The following ZNF512 variants were observed in gnomAD, a reference collection of about 807,000 sequenced individuals.
ZNF512 encodes zinc finger protein 512.
In ZNF512, 25 loss-of-function variants were observed where a neutral mutation model predicts 77.5. The ratio of observed to expected loss-of-function variants is 0.32; its 90% CI spans 0.23 to 0.45. ZNF512 has a LOEUF of 0.45. Ranked by LOEUF, ZNF512 falls within the 20% of genes least tolerant of loss-of-function variation. The probability of loss-of-function intolerance (pLI) is 1.00; values close to 1 mark genes in which losing one functional copy is unlikely to be tolerated. For missense variants in ZNF512, 483 were observed against 692.6 expected, an observed-to-expected ratio of 0.70 and a Z score of 3.40; for synonymous variants, 246 against 239.9, an observed-to-expected ratio of 1.03 and a Z score of -0.24.
At chr2:27,609,109 C>CAA (rs770612268) in intron 10 of ZNF512, among the ~76,000 whole-genome samples, 13 of 91,440 alleles carry the variant, frequency 1.4e-4, no homozygotes, top group Admixed American at 1.1e-3. Flanking sequence ...ACTCTGTCTC[C>CAA]AAAAAAAAAA....
intron 10 of ZNF512, among the ~76,000 whole-genome samples, chr2:27,610,600 T>C (rs1353382116): frequency 9.1e-6 from 1 of 110,230 alleles, no homozygotes; most frequent in Admixed American, 9.5e-5. Context: ...TTTTTTTTTT[T>C]GAGACAGCGT....
chr2:27,609,418 A>G (rs1881397), intron 10 of ZNF512, among the ~76,000 whole-genome samples: 46,111 of 152,064 alleles, frequency 0.3, 8,127 homozygotes, highest in African/African-American at 0.48. Context: ...CGCATAGGAT[A>G]TCATAAGGAA....
chr2:27,613,022 C>T (rs1046773860), intron 10 of ZNF512, among the ~76,000 whole-genome samples: 4 of 152,096 alleles, frequency 2.6e-5, no homozygotes, highest in Non-Finnish European at 5.9e-5. Context: ...TATTCCATTC[C>T]CATTCCCCTT....
intron 2 of ZNF512, among the ~76,000 whole-genome samples, chr2:27,586,005 TC>T (rs1671307230): frequency 6.6e-6 from 1 of 152,154 alleles, no homozygotes; most frequent in African/African-American, 2.4e-5. Context: ...GAGGAGGGAT[TC>T]CCTAACCACC....
chr2:27,602,351 T>G, intron 7 of ZNF512, 112 bp from the exon 8 acceptor site: 1 of 1,012,354 alleles, frequency 9.9e-7, no homozygotes, highest in Non-Finnish European at 1.4e-6. Flanking sequence ...TTGGGCTTCA[T>G]TGGCACCAGC....
chr2:27,583,319 C>G (rs1671194502), intron 1 of ZNF512, 177 bp downstream of exon 1: 1 of 1,267,152 alleles, frequency 7.9e-7, no homozygotes, highest in Non-Finnish European at 1.1e-6. Flanking sequence ...TGCCTGTTCC[C>G]CACCTCCTTG....
At chr2:27,613,487 C>T (rs1672751088) in intron 10 of ZNF512, among the ~76,000 whole-genome samples, 1 of 150,236 alleles carries the variant, frequency 6.7e-6, no homozygotes, top group Non-Finnish European at 1.5e-5. Context: ...CAGAGCGAGA[C>T]TCCATCTCAA....
intron 13 of ZNF512, 36 bp downstream of exon 13, chr2:27,617,607 A>G (rs768300953): frequency 3.7e-6 from 3 of 812,256 alleles, no homozygotes; most frequent in Non-Finnish European, 6.7e-6. Flanking sequence ...CTGATATGTA[A>G]GCCACAAGAG....
chr2:27,616,671 TTG>T (rs1672894126), intron 12 of ZNF512, among the ~76,000 whole-genome samples: 1 of 152,218 alleles, frequency 6.6e-6, no homozygotes. Flanking sequence ...GCCTAAAACT[TTG>T]TAGAATCACC....
At chr2:27,617,386 CTT>C in intron 12 of ZNF512, 85 bp from the exon 13 acceptor site, 1 of 712,162 alleles carries the variant, frequency 1.4e-6, no homozygotes, top group South Asian at 1.6e-5. Context: ...AGAATTCCCT[CTT>C]TTCATCTCTA....
intron 13 of ZNF512, 136 bp from the exon 14 acceptor site, chr2:27,621,017 T>A: frequency 1.1e-6 from 1 of 925,218 alleles, no homozygotes; most frequent in Non-Finnish European, 1.6e-6. Flanking sequence ...TATAGAATCC[T>A]GAGGTATGGT....
chr2:27,611,238 A>G (rs1341689049), intron 10 of ZNF512, among the ~76,000 whole-genome samples: 6 of 152,220 alleles, frequency 3.9e-5, no homozygotes, highest in Non-Finnish European at 8.8e-5. Flanking sequence ...TATTATCAGG[A>G]TACCACATTT....
At chr2:27,605,756 A>T (rs2148028245) in intron 9 of ZNF512, among the ~76,000 whole-genome samples, 1 of 152,308 alleles carries the variant, frequency 6.6e-6, no homozygotes, top group South Asian at 2.1e-4. Context: ...GATTACAGGC[A>T]TGAGCCACTG....
rs181100394 is a variant in ZNF512 at position 27,606,822 on chromosome 2, G to A, written c.937-1023G>A. Reference sequence around the variant, plus strand: ...GTCTCACCAGGCTGGAATCTGTGTCGGTAGGGCTGTTCTTTTTTAGAGGCT... The same window carrying A: ...GTCTCACCAGGCTGGAATCTGTGTCAGTAGGGCTGTTCTTTTTTAGAGGCT... On this transcript the variant is annotated intron_variant, in intron 9 of 13. Transcript: ENST00000355467. Among the ~76,000 whole-genome samples the A allele has an allele frequency of 1.1e-4, 16 of 152,264 alleles. No individual in the cohort carries two copies. In the East Asian group the frequency reaches 3.1e-3, roughly 29 times the overall value.
At chr2:27,607,371 C>CT (rs1194932049) in intron 9 of ZNF512, among the ~76,000 whole-genome samples, 4,822 of 141,026 alleles carry the variant, frequency 0.034, 249 homozygotes, top group African/African-American at 0.12. Flanking sequence ...ACTAAGAGGC[C>CT]TTTTTTTTTT....
chr2:27,620,910 C>T (rs980475266), intron 13 of ZNF512, among the ~76,000 whole-genome samples: 3 of 152,114 alleles, frequency 2.0e-5, no homozygotes, highest in South Asian at 2.1e-4. Flanking sequence ...GCTAAGTAAA[C>T]AGACTTTGTA....
rs769026301 is a variant in ZNF512 at position 27,621,495 on chromosome 2, A to G, written c.*34A>G. ...TGTAAAAGTGCTCCTAGGAAAGCAG[A>G]TGTGATGCTGTTGTCACGGGGACCT... On this transcript the variant is annotated 3_prime_UTR_variant, in exon 14 of 14. Coordinates refer to ENST00000355467, the MANE Select transcript of ZNF512 (RefSeq NM_032434.4). 1 of 1,570,248 alleles carries G rather than the reference A, an allele frequency of 6.4e-7. No individual in the cohort carries two copies. The highest frequency in any genetic ancestry group is 8.6e-7 in the Non-Finnish European group (1 of 1,163,646).
chr2:27,601,248 T>C (rs1672102433), intron 6 of ZNF512, 108 bp from the exon 7 acceptor site: 1 of 784,026 alleles, frequency 1.3e-6, no homozygotes, highest in Non-Finnish European at 2.0e-6. Flanking sequence ...TATTGACTAT[T>C]GAGCTTGAGA....
chr2:27,617,481 T>C lies in ZNF512; in HGVS notation c.1305T>C (p.Phe435=). The C allele has an allele frequency of 2.8e-6, 4 of 1,426,326 alleles. No individual in the cohort carries two copies. The highest frequency in any genetic ancestry group is 2.3e-5 in the East Asian group (1 of 44,040). 88.4% of individuals were successfully genotyped at this position (1,426,326 alleles called of 1,614,324 possible). The change falls in exon 13 of 14, where the codon TTT becomes TTC. Residue 435 remains phenylalanine, a synonymous_variant. Coordinates refer to ENST00000355467, the MANE Select transcript of ZNF512 (RefSeq NM_032434.4). ...AHLGSCTLGN[F]VAGKYKCLLC... ...TTCTCTCTTGGAAATAGGGAAACTTTGTGGCTGGAAAATACAAATGTCTTC... is the reference window on the plus strand; with the variant it reads ...TTCTCTCTTGGAAATAGGGAAACTTCGTGGCTGGAAAATACAAATGTCTTC...
Sources: allele counts gnomAD v4.1 joint callset (sites outside exome capture counted in the v4.1 genomes callset), GRCh38; gene constraint gnomAD v4.1.1; transcripts MANE v1.5; gene names NCBI Gene and HGNC (gene_info 2026-07-23, HGNC 2026-07-21).